Variants in FYCO1 observed in about 807,000 individuals in gnomAD.
FYCO1 encodes FYVE and coiled-coil domain-containing protein 1.
Under a neutral mutation model 165.1 loss-of-function variants are expected in FYCO1, and 122 were observed. That is an observed-to-expected ratio of 0.74 (90% CI 0.64 to 0.86). The LOEUF (loss-of-function observed/expected upper bound fraction) is 0.86, where lower values mean the gene tolerates loss of function less well. Among genes scored for constraint, FYCO1 ranks in the 40% least tolerant of loss-of-function variants. The pLI is 0.00. For synonymous variants in FYCO1, 648 were observed against 742.5 expected (o/e 0.87, Z 2.07); for missense variants, 1,702 against 1,810.3 (o/e 0.94, Z 1.09).
chr3:45,958,431 C>A lies in FYCO1; in HGVS notation c.3776G>T (p.Gly1259Val). 2 of 1,612,592 alleles carry A rather than the reference C, an allele frequency of 1.2e-6. No individual in the cohort carries two copies. Among genetic ancestry groups the A allele is most frequent in the South Asian group, 2.2e-5 (2 of 91,002 alleles). ...ACCTTGGCCTCCTGTGGCCTGGGGCCCAGGTGAGGCTGGTGACAGTGCAGG... is the reference window on the plus strand; with the variant it reads ...ACCTTGGCCTCCTGTGGCCTGGGGCACAGGTGAGGCTGGTGACAGTGCAGG... ...PSPALSPASP[G>V]PQATGGQGAN... Residue 1259 changes from glycine (G) to valine (V), a missense_variant, in exon 13 of 18, where the codon GGG becomes GTG. Gly to Val is a moderately radical substitution (Grantham distance 109). Coordinates refer to ENST00000296137, the MANE Select transcript of FYCO1 (RefSeq NM_024513.4).
At chr3:45,977,344 G>A (rs943492566) in intron 4 of FYCO1, among the ~76,000 whole-genome samples, 1 of 71,336 alleles carries the variant, frequency 1.4e-5, no homozygotes, top group Non-Finnish European at 3.0e-5. Context: ...CCCATTAACT[G>A]AATTAAATAT....
intron 16 of FYCO1, among the ~76,000 whole-genome samples, chr3:45,925,304 A>G (rs991425663): frequency 6.6e-6 from 1 of 151,310 alleles, no homozygotes; most frequent in Non-Finnish European, 1.5e-5. Flanking sequence ...TAAGCCTTCC[A>G]TTTAAGACTG....
Position 45,919,316 on chromosome 3 carries a change from A to G in FYCO1, c.*2449T>C, listed in dbSNP as rs568468901. ...GATGTTTTGTAGCTGCAGAGAGCAC[A>G]GCAAACTTGAGCTTAAACAGCAACC... is the stretch of plus-strand genomic sequence containing the variant. On this transcript the variant is annotated 3_prime_UTR_variant, in exon 18 of 18. Transcript: ENST00000296137. The G allele has an allele frequency of 6.6e-6, 1 of 152,292 alleles. No homozygotes were observed. The highest frequency in any genetic ancestry group is 2.4e-5 in the African/African-American group (1 of 41,480). 9.4% of individuals were successfully genotyped at this position (152,292 alleles called of 1,614,324 possible).
chr3:45,940,416 T>C (rs1704154947), intron 14 of FYCO1, among the ~76,000 whole-genome samples: 2 of 152,176 alleles, frequency 1.3e-5, no homozygotes, highest in Admixed American at 6.5e-5. Flanking sequence ...TTAACCGGTA[T>C]GTGACCTTCC....
At chr3:45,958,260 A>G in intron 13 of FYCO1, 148 bp downstream of exon 13, 2 of 683,034 alleles carry the variant, frequency 2.9e-6, no homozygotes, top group Non-Finnish European at 5.2e-6. Flanking sequence ...GAAAGTCTCA[A>G]GTTGGTGGTA....
intron 1 of FYCO1, among the ~76,000 whole-genome samples, chr3:45,991,073 C>T (rs1216600597): frequency 3.3e-5 from 5 of 152,174 alleles, no homozygotes; most frequent in African/African-American, 9.7e-5. Context: ...CCACTGCGCC[C>T]GGCCATCATG....
At chr3:45,973,027 A>G (rs1706530542) in intron 6 of FYCO1, 61 bp downstream of exon 6, 7 of 1,587,474 alleles carry the variant, frequency 4.4e-6, no homozygotes, top group Non-Finnish European at 6.0e-6. Flanking sequence ...ACTGGTGGCA[A>G]TCTTCAAAAC....
rs1705903711 is a variant in FYCO1 at position 45,964,819 on chromosome 3, G to A, written c.3150+214C>T. On this transcript the variant is annotated intron_variant, in intron 9 of 17. Coordinates refer to ENST00000296137, the MANE Select transcript of FYCO1 (RefSeq NM_024513.4). The surrounding 1 kb of genome is among the most constrained non-coding windows in gnomAD (Gnocchi z 4.1). ...GATCACCCATAGAGATGGCCAAAGAGGACACTTATTTCCTTTCTGCATTTG... is the reference window on the plus strand; with the variant it reads ...GATCACCCATAGAGATGGCCAAAGAAGACACTTATTTCCTTTCTGCATTTG... Among the ~76,000 whole-genome samples the A allele has an allele frequency of 6.6e-6, 1 of 152,218 alleles. No homozygotes were observed. The highest frequency in any genetic ancestry group is 1.5e-5 in the Non-Finnish European group (1 of 68,044).
At chr3:45,942,023 G>A (rs1704254300) in intron 14 of FYCO1, among the ~76,000 whole-genome samples, 1 of 152,344 alleles carries the variant, frequency 6.6e-6, no homozygotes, top group African/African-American at 2.4e-5. Context: ...CCATCGGTAT[G>A]TAGTCTATGC....
At chr3:45,935,267 T>C (rs1202451007) in intron 15 of FYCO1, among the ~76,000 whole-genome samples, 1 of 152,220 alleles carries the variant, frequency 6.6e-6, no homozygotes, top group Non-Finnish European at 1.5e-5. Context: ...TCATCCTCCA[T>C]CATCTATTCT....
At chr3:45,976,616 A>T (rs1233495403) in intron 4 of FYCO1, among the ~76,000 whole-genome samples, 2 of 152,052 alleles carry the variant, frequency 1.3e-5, no homozygotes, top group Non-Finnish European at 2.9e-5. Context: ...GGGAAGGGGG[A>T]GCAGTGGTTT....
intron 14 of FYCO1, among the ~76,000 whole-genome samples, chr3:45,942,505 G>C (rs570695048): frequency 6.6e-6 from 1 of 152,158 alleles, no homozygotes; most frequent in Non-Finnish European, 1.5e-5. Flanking sequence ...AGCCTGAATG[G>C]GAGTGCAGAG....
At chr3:45,987,136 C>T (rs1279445134) in intron 1 of FYCO1, among the ~76,000 whole-genome samples, 1 of 152,162 alleles carries the variant, frequency 6.6e-6, no homozygotes. Context: ...CCTCTCAAAC[C>T]ACCACAACTG....
chr3:45,966,928 G>A lies in FYCO1; in HGVS notation c.2406C>T (p.Ala802=), dbSNP rs1706066614. The change falls in exon 8 of 18, where the codon GCC becomes GCT. Residue 802 remains alanine, a synonymous_variant. Transcript: ENST00000296137. The stretch of plus-strand genomic sequence containing the variant: ...TCTGCACCTTGTCCTGGTCATCCAG[G>A]GCTGCCCGCATCTTGGCCTGGAGGT... ...VVDLQAKMRA[A]LDDQDKVQSQ... 2 of 1,613,620 alleles carry A rather than the reference G, an allele frequency of 1.2e-6. No individual in the cohort carries two copies. The highest frequency in any genetic ancestry group is 1.3e-5 in the African/African-American group (1 of 74,920).
chr3:45,942,773 C>T (rs1451686098), intron 14 of FYCO1, among the ~76,000 whole-genome samples: 1 of 152,170 alleles, frequency 6.6e-6, no homozygotes, highest in Non-Finnish European at 1.5e-5. Flanking sequence ...GTACAGAGGG[C>T]AGCCCAAGGA....
At chr3:45,938,119 G>T in intron 14 of FYCO1, 1 of 821,644 alleles carries the variant, frequency 1.2e-6, no homozygotes, top group Non-Finnish European at 1.8e-6. Context: ...GATAAAAGAT[G>T]TCCTAATCTA....
chr3:45,968,100 T>C lies in FYCO1; in HGVS notation c.1234A>G (p.Arg412Gly), dbSNP rs1410445220. 1.2e-6 allele frequency: 2 copies of C among 1,614,192 alleles called. No individual in the cohort carries two copies. Among genetic ancestry groups the C allele is most frequent in the Non-Finnish European group, 1.7e-6 (2 of 1,180,032 alleles). ...ELGEKLQALERERTKVEEVNR... is the reference protein window; with the variant it reads ...ELGEKLQALEGERTKVEEVNR... ...ACCTCCTCGACCTTGGTTCTCTCCC[T>C]TTCTAGGGCTTGAAGCTTCTCCCCT... The change falls in exon 8 of 18, where the codon AGG (arginine) becomes GGG (glycine). Residue 412 changes from arginine (R) to glycine (G), a missense_variant. By Grantham distance (125) the Arg-to-Gly change is moderately radical. Coordinates refer to ENST00000296137, the MANE Select transcript of FYCO1 (RefSeq NM_024513.4).
intron 14 of FYCO1, among the ~76,000 whole-genome samples, 178 bp downstream of exon 14, chr3:45,955,071 C>T (rs889254136): frequency 2.6e-5 from 4 of 152,204 alleles, no homozygotes; most frequent in African/African-American, 9.6e-5. Flanking sequence ...CTCTGCAAGG[C>T]TCAACACTGA....
In FYCO1 at chr3:45,984,871, T is replaced by A. The variant is rs760001740; in HGVS notation, c.40A>T (p.Ile14Phe). 4 of 1,614,218 alleles carry A rather than the reference T, an allele frequency of 2.5e-6. No individual in the cohort carries two copies. The highest frequency in any genetic ancestry group is 3.4e-6 in the Non-Finnish European group (4 of 1,180,036). Residue 14 changes from isoleucine to phenylalanine, a missense_variant, in exon 2 of 18, where the codon ATC becomes TTC. Transcript: ENST00000296137. The stretch of plus-strand genomic sequence containing the variant: ...CCTACCATACCTTGCAAGTCTCGGA[T>A]GATTCTCTGGAGCTGGCTCTCTGCA... ...TNAESQLQRI[I>F]RDLQDAVTEL... is the part of the protein sequence containing the mutation.
Sources: allele counts gnomAD v4.1 joint callset (sites outside exome capture counted in the v4.1 genomes callset), GRCh38; gene constraint gnomAD v4.1.1; non-coding constraint Gnocchi (gnomAD v3.1); transcripts MANE v1.5; gene names NCBI Gene and HGNC (gene_info 2026-07-23, HGNC 2026-07-21).